The following UBAC2 variants were observed in gnomAD, a reference collection of about 807,000 sequenced individuals.
UBAC2 encodes the protein UBA domain containing 2.
Under a neutral mutation model 44.0 loss-of-function variants are expected in UBAC2, and 26 were observed. The observed-to-expected ratio is 0.59, with a 90% CI of 0.43 to 0.82. The LOEUF (loss-of-function observed/expected upper bound fraction) is 0.82. Ranked by LOEUF, UBAC2 falls within the 40% of genes least tolerant of loss-of-function variation. The pLI is 0.00. For missense variants in UBAC2, 329 were observed against 419.4 expected, an observed-to-expected ratio of 0.78 and a Z score of 1.88; for synonymous variants, 155 against 154.3, an observed-to-expected ratio of 1.00 and a Z score of -0.04.
intron 1 of UBAC2, among the ~76,000 whole-genome samples, chr13:99,203,864 A>G (rs2042835974): frequency 6.6e-6 from 1 of 152,228 alleles, no homozygotes; most frequent in Admixed American, 6.5e-5. Flanking sequence ...ATTTTGAAGA[A>G]AGGGGACAGC....
Position 99,230,944 on chromosome 13 carries a change from G to C in UBAC2, c.32-7483G>C, listed in dbSNP as rs148060564. 6.3e-3 allele frequency among the ~76,000 whole-genome samples: 963 copies of C among 152,214 alleles called. 7 individuals are homozygous for C. The highest frequency in any genetic ancestry group is 0.022 in the African/African-American group (934 of 41,522). ...CGTGCCTGTAGTCCCAGCTACTCAG[G>C]GGGCTGAGGCAGGAGAATCGCTAAA... On this transcript the variant is annotated intron_variant, in intron 1 of 8. Transcript: ENST00000403766.
At chr13:99,262,431 G>A (rs769056103) in intron 4 of UBAC2, among the ~76,000 whole-genome samples, 8 of 152,150 alleles carry the variant, frequency 5.3e-5, no homozygotes, top group South Asian at 2.1e-4. Flanking sequence ...GGCTGGGCAC[G>A]GTGGCTCATG....
chr13:99,243,887 G>T lies in UBAC2; in HGVS notation c.215G>T (p.Cys72Phe), dbSNP rs2043349805. Residue 72 changes from cysteine (C) to phenylalanine (F), a missense_variant, in exon 3 of 9, where the codon TGC (cysteine) becomes TTC (phenylalanine). Coordinates refer to ENST00000403766, the MANE Select transcript of UBAC2 (RefSeq NM_001144072.2). ...IICLDLKDTF[C>F]SSLLIYNFRI... ...TGCCTTGATTTGAAAGATACTTTCT[G>T]CAGTAGTCTGCTTATTTATAATTTT... The T allele has an allele frequency of 1.3e-6, 2 of 1,569,108 alleles. No homozygotes were observed. Among genetic ancestry groups the T allele is most frequent in the Non-Finnish European group, 1.7e-6 (2 of 1,154,672 alleles).
chr13:99,280,818 CCTT>C (rs1473727997), intron 4 of UBAC2, among the ~76,000 whole-genome samples: 5 of 144,996 alleles, frequency 3.4e-5, no homozygotes, highest in East Asian at 4.1e-4. Context: ...CTTCTTCCTT[CCTT>C]CTTCTTTCCC....
intron 1 of UBAC2, among the ~76,000 whole-genome samples, chr13:99,237,218 G>GA (rs1555321670): frequency 6.7e-6 from 1 of 149,128 alleles, no homozygotes; most frequent in East Asian, 2.0e-4. Flanking sequence ...CAATGAATGG[G>GA]AAAAAAATGG....
rs149603414 is a variant in UBAC2 at position 99,356,018 on chromosome 13, G to A, written c.808-11769G>A. 21 of 399,774 alleles carry A rather than the reference G, an allele frequency of 5.3e-5. 1 individual carries two copies. Among genetic ancestry groups the A allele is most frequent in the African/African-American group, 3.8e-4 (19 of 49,796 alleles). 24.8% of individuals were successfully genotyped at this position (399,774 alleles called of 1,614,324 possible). ...GCTGCTGTTGAAACCAACTGAACCT[G>A]TTTGTAAAATTGTACCTATGTCACA... On this transcript the variant is annotated intron_variant, in intron 7 of 8. Coordinates refer to ENST00000403766, the MANE Select transcript of UBAC2 (RefSeq NM_001144072.2).
chr13:99,233,582 T>C (rs1298376888), intron 1 of UBAC2, among the ~76,000 whole-genome samples: 3 of 152,092 alleles, frequency 2.0e-5, no homozygotes, highest in African/African-American at 7.2e-5. Context: ...CCGCAGGAGC[T>C]GGTCAGAGGG....
intron 1 of UBAC2, among the ~76,000 whole-genome samples, chr13:99,223,908 T>C (rs1028821891): frequency 2.0e-5 from 3 of 152,192 alleles, no homozygotes; most frequent in Admixed American, 2.0e-4. Flanking sequence ...CAGAATATAG[T>C]CTATTTTGGT....
chr13:99,336,306 C>CT (rs1394435690), intron 6 of UBAC2, among the ~76,000 whole-genome samples: 3 of 152,160 alleles, frequency 2.0e-5, no homozygotes, highest in African/African-American at 7.2e-5. Context: ...TTTATGGTAG[C>CT]TTTTGGCATA....
chr13:99,331,766 A>C (rs1263270466), intron 6 of UBAC2, among the ~76,000 whole-genome samples: 1 of 152,262 alleles, frequency 6.6e-6, no homozygotes, highest in African/African-American at 2.4e-5. Flanking sequence ...TAGGGAATGT[A>C]CAAAGTTCCC....
rs755820166 is a variant in UBAC2 at position 99,313,638 on chromosome 13, C to CA, written c.390-456dup. Among the ~76,000 whole-genome samples the CA allele has an allele frequency of 3.2e-4, 49 of 151,742 alleles. 1 individual carries two copies. Among genetic ancestry groups the CA allele is most frequent in the Non-Finnish European group, 5.4e-4 (37 of 67,956 alleles). On this transcript the variant is annotated intron_variant, in intron 4 of 8. Coordinates refer to ENST00000403766, the MANE Select transcript of UBAC2 (RefSeq NM_001144072.2). Reference sequence around the variant, plus strand: ...AACCACTGAGAAGCAGGGTTTCAGACAAAGGGAGGAAGGAATGTGAGGAAG... The same window carrying CA: ...AACCACTGAGAAGCAGGGTTTCAGACAAAAGGGAGGAAGGAATGTGAGGAAG...
At chr13:99,251,772 G>C (rs1566468573) in intron 4 of UBAC2, among the ~76,000 whole-genome samples, 1 of 152,050 alleles carries the variant, frequency 6.6e-6, no homozygotes, top group Non-Finnish European at 1.5e-5. Context: ...GTGAAATCTT[G>C]AGCAAGTTGC....
At chr13:99,338,071 T>TTTTTTTTTTA (rs1555330450) in intron 6 of UBAC2, among the ~76,000 whole-genome samples, 1,777 of 105,108 alleles carry the variant, frequency 0.017, 24 homozygotes, top group Non-Finnish European at 0.027. Flanking sequence ...TTTTTTTTTT[T>TTTTTTTTTTA]TTTTGAGACA....
At chr13:99,312,214 C>T (rs1237208750) in intron 4 of UBAC2, among the ~76,000 whole-genome samples, 1 of 152,200 alleles carries the variant, frequency 6.6e-6, no homozygotes, top group African/African-American at 2.4e-5. Flanking sequence ...AGAAATTGCG[C>T]AAGAGGCCAG....
At chr13:99,325,784 G>A (rs1322333515) in intron 6 of UBAC2, among the ~76,000 whole-genome samples, 1 of 152,184 alleles carries the variant, frequency 6.6e-6, no homozygotes, top group Admixed American at 6.5e-5. Flanking sequence ...GTGGAATCAT[G>A]CAGTATTTGT....
chr13:99,236,799 G>A (rs909853066), intron 1 of UBAC2, among the ~76,000 whole-genome samples: 5 of 152,010 alleles, frequency 3.3e-5, no homozygotes, highest in African/African-American at 7.3e-5. Context: ...GCAGTGAGCC[G>A]AGATGGCACC....
intron 4 of UBAC2, among the ~76,000 whole-genome samples, chr13:99,305,697 A>C (rs2044322719): frequency 6.6e-6 from 1 of 152,228 alleles, no homozygotes; most frequent in Non-Finnish European, 1.5e-5. Flanking sequence ...TATGCAAGGG[A>C]TCATTACCAT....
intron 7 of UBAC2, among the ~76,000 whole-genome samples, chr13:99,355,881 A>G (rs894863577): frequency 9.9e-5 from 15 of 152,252 alleles, no homozygotes; most frequent in Admixed American, 3.9e-4. Flanking sequence ...TGTGCATCCC[A>G]TGGCTCTCTC....
intron 4 of UBAC2, among the ~76,000 whole-genome samples, chr13:99,297,184 GA>G (rs2044188702): frequency 6.6e-6 from 1 of 152,048 alleles, no homozygotes; most frequent in Non-Finnish European, 1.5e-5. Flanking sequence ...TTGAAAAATG[GA>G]AAACTCCTAC....
Sources: gnomAD v4.1 joint callset for allele counts (sites outside exome capture counted in the v4.1 genomes callset) on GRCh38, gnomAD v4.1.1 for gene constraint, MANE v1.5 for transcripts, NCBI Gene and HGNC (gene_info 2026-07-23, HGNC 2026-07-21) for gene names.